The following GPR160 variants were observed in gnomAD, a reference collection of about 807,000 sequenced individuals.
The protein encoded by GPR160 is G protein-coupled receptor 160.
A neutral mutation model predicts 2.6 loss-of-function variants in GPR160; 2 were observed. The observed-to-expected ratio is 0.77, with a 90% CI of 0.32 to 2.44. The LOEUF (loss-of-function observed/expected upper bound fraction) is 2.44, where lower values mean the gene tolerates loss of function less well. GPR160 is among the 30% of genes most tolerant of loss of function. The pLI is 0.11. For synonymous variants in GPR160, 130 were observed against 132.2 expected, an observed-to-expected ratio of 0.98 and a Z score of 0.12; for missense variants, 351 against 383.6, an observed-to-expected ratio of 0.91 and a Z score of 0.71.
At chr3:170,075,912 C>A (rs1445433302) in intron 2 of GPR160, among the ~76,000 whole-genome samples, 1 of 152,200 alleles carries the variant, frequency 6.6e-6, no homozygotes, top group Non-Finnish European at 1.5e-5. Flanking sequence ...ACTCCTGCTT[C>A]TGGCAGATCA....
At chr3:170,047,388 G>A (rs1457558630) in intron 2 of GPR160, among the ~76,000 whole-genome samples, 1 of 152,160 alleles carries the variant, frequency 6.6e-6, no homozygotes, top group African/African-American at 2.4e-5. Context: ...AAGGTTTAAA[G>A]GGAAAAGTCT....
chr3:170,040,566 G>A (rs1407310318), intron 2 of GPR160, among the ~76,000 whole-genome samples: 1 of 152,224 alleles, frequency 6.6e-6, no homozygotes, highest in African/African-American at 2.4e-5. Context: ...TAGCAAGCCT[G>A]GGGGTTGATT....
intron 2 of GPR160, among the ~76,000 whole-genome samples, chr3:170,073,881 A>AT (rs35575462): frequency 0.037 from 3,056 of 81,876 alleles, 101 homozygotes; most frequent in African/African-American, 0.04. Flanking sequence ...TTTAATAGGG[A>AT]TTTTTTTTTT....
intron 2 of GPR160, among the ~76,000 whole-genome samples, chr3:170,066,462 A>G (rs1712352296): frequency 6.6e-6 from 1 of 151,860 alleles, no homozygotes; most frequent in South Asian, 2.1e-4. Context: ...TCAAATGCAA[A>G]TCATGTGTAT....
chr3:170,062,291 G>A (rs1712003144), intron 2 of GPR160: 1 of 201,592 alleles, frequency 5.0e-6, no homozygotes, highest in Non-Finnish European at 1.0e-5. Context: ...CAGCGGGGGT[G>A]ACAGCGACGG....
At chr3:170,074,393 T>C (rs974068388) in intron 2 of GPR160, among the ~76,000 whole-genome samples, 3 of 150,630 alleles carry the variant, frequency 2.0e-5, no homozygotes, top group African/African-American at 7.3e-5. Context: ...TTATTGGTTC[T>C]TTTTTTCCCC....
intron 2 of GPR160, among the ~76,000 whole-genome samples, chr3:170,042,998 C>T (rs1413372797): frequency 6.6e-6 from 1 of 151,080 alleles, no homozygotes; most frequent in Non-Finnish European, 1.5e-5. Flanking sequence ...TCTCCTGCCT[C>T]AGCCTCCCCA....
intron 2 of GPR160, among the ~76,000 whole-genome samples, chr3:170,055,885 C>A (rs1711619938): frequency 6.6e-6 from 1 of 152,168 alleles, no homozygotes; most frequent in Non-Finnish European, 1.5e-5. Flanking sequence ...CCGCCCATCT[C>A]GGCCTCCCAA....
chr3:170,068,203 G>A (rs1712438027), intron 2 of GPR160, among the ~76,000 whole-genome samples: 1 of 152,194 alleles, frequency 6.6e-6, no homozygotes, highest in South Asian at 2.1e-4. Context: ...GGAGTGCAGT[G>A]GTGTGATCTC....
intron 2 of GPR160, among the ~76,000 whole-genome samples, chr3:170,050,705 A>G (rs1179622026): frequency 6.6e-6 from 1 of 152,186 alleles, no homozygotes; most frequent in Admixed American, 6.6e-5. Flanking sequence ...ATCTTGGGAT[A>G]TGTAGTTTTA....
chr3:170,057,185 A>G (rs1711689669), intron 2 of GPR160: 1 of 152,222 alleles, frequency 6.6e-6, no homozygotes, highest in Non-Finnish European at 1.5e-5. Flanking sequence ...GTTGGGCTAT[A>G]GTCATTCTAG....
chr3:170,063,389 C>G (rs1465355281), intron 2 of GPR160: 1 of 151,842 alleles, frequency 6.6e-6, no homozygotes, highest in Non-Finnish European at 1.5e-5. Flanking sequence ...CAAAAATTAG[C>G]CGGGCGTGGT....
At position 170,084,902 on chromosome 3, in the gene GPR160, A is replaced by G; in HGVS notation, c.930A>G (p.Pro310=). The G allele has an allele frequency of 1.9e-6, 3 of 1,607,854 alleles. No homozygotes were observed. The highest frequency in any genetic ancestry group is 1.3e-5 in the African/African-American group (1 of 74,928). Residue 310 remains proline, a synonymous_variant, in exon 4 of 4, where the codon CCA becomes CCG. Coordinates refer to ENST00000355897, the MANE Select transcript of GPR160 (RefSeq NM_014373.3). ...NLKDIGLPLD[P]FVNWKCCFIP... ...AAGACATTGGATTACCTTTGGATCCATTTGTCAACTGGAAGTGCTGCTTCA... is the reference window on the plus strand; with the variant it reads ...AAGACATTGGATTACCTTTGGATCCGTTTGTCAACTGGAAGTGCTGCTTCA...
In GPR160 at chr3:170,039,567, G is replaced by T. The variant is rs532369045; in HGVS notation, c.-193+524G>T. ...TACTAAAAATACAAAAATTAGCTGG[G>T]TGTGGTGACACGCGCCTGTAATCCC... is the stretch of plus-strand genomic sequence containing the variant. On this transcript the variant is annotated intron_variant, in intron 2 of 3. Coordinates refer to ENST00000355897, the MANE Select transcript of GPR160 (RefSeq NM_014373.3). 7.0e-4 allele frequency among the ~76,000 whole-genome samples: 107 copies of T among 152,320 alleles called. 1 individual carries two copies. The highest frequency in any genetic ancestry group is 3.5e-3 in the Admixed American group (54 of 15,294).
intron 2 of GPR160, among the ~76,000 whole-genome samples, chr3:170,048,628 A>G (rs749205648): frequency 1.3e-5 from 2 of 152,228 alleles, no homozygotes; most frequent in Admixed American, 6.5e-5. Flanking sequence ...TCCTGTAAAA[A>G]TAAGTACTGA....
chr3:170,080,800 A>C (rs1576916097), intron 3 of GPR160, among the ~76,000 whole-genome samples: 2 of 152,200 alleles, frequency 1.3e-5, no homozygotes, highest in East Asian at 3.9e-4. Context: ...TCCTGGGCTT[A>C]GGTGATCCTC....
intron 2 of GPR160, among the ~76,000 whole-genome samples, chr3:170,047,221 G>A (rs1336827541): frequency 6.6e-6 from 1 of 152,094 alleles, no homozygotes; most frequent in Non-Finnish European, 1.5e-5. Flanking sequence ...AGGTGTTTCA[G>A]TGTGTAGTCT....
intron 2 of GPR160, among the ~76,000 whole-genome samples, chr3:170,052,355 AG>A (rs1233438693): frequency 6.6e-6 from 1 of 152,260 alleles, no homozygotes; most frequent in African/African-American, 2.4e-5. Flanking sequence ...AGCAGCGTAT[AG>A]GAGTTCTCGT....
Position 170,074,716 on chromosome 3 carries a change from C to T in GPR160, c.-192-5058C>T, listed in dbSNP as rs150042193. On this transcript the variant is annotated intron_variant, in intron 2 of 3. Coordinates refer to ENST00000355897, the MANE Select transcript of GPR160 (RefSeq NM_014373.3). ...CAGGCTGGTCTCAAACTCCTGGGAT[C>T]AAGTGATCCTCCTGCCTCGGCCTCT... Among the ~76,000 whole-genome samples the T allele has an allele frequency of 4.3e-3, 650 of 151,714 alleles. 4 individuals carry two copies. Among genetic ancestry groups the T allele is most frequent in the African/African-American group, 0.015 (622 of 41,346 alleles).
Sources: allele counts gnomAD v4.1 joint callset (sites outside exome capture counted in the v4.1 genomes callset), GRCh38; gene constraint gnomAD v4.1.1; transcripts MANE v1.5; gene names NCBI Gene and HGNC (gene_info 2026-07-23, HGNC 2026-07-21).